The following KHDRBS2 variants were observed in gnomAD, a reference collection of about 807,000 sequenced individuals.
KHDRBS2 encodes the protein KH domain-containing, RNA-binding, signal transduction-associated protein 2.
A neutral mutation model predicts 44.3 loss-of-function variants in KHDRBS2; 26 were observed. That is an observed-to-expected ratio of 0.59 (90% confidence interval 0.43 to 0.81). KHDRBS2 has a LOEUF of 0.81. Ranked by LOEUF, KHDRBS2 falls within the 40% of genes least tolerant of loss-of-function variation. KHDRBS2 has a pLI of 0.00. For missense variants in KHDRBS2, 476 were observed against 433.1 expected, an observed-to-expected ratio of 1.10 and a Z score of -0.88; for synonymous variants, 194 against 151.1, an observed-to-expected ratio of 1.28 and a Z score of -2.08.
chr6:61,646,381 T>C, the KHDRBS2 span, among the ~76,000 whole-genome samples: 12 of 152,212 alleles, frequency 7.9e-5, no homozygotes, highest in Non-Finnish European at 1.5e-4. Context: ...AGTAGGCAGA[T>C]GCTTTCAGGG....
intron 2 of KHDRBS2, among the ~76,000 whole-genome samples, chr6:62,176,501 A>C (rs1477463567): frequency 1.3e-5 from 2 of 151,326 alleles, no homozygotes; most frequent in Admixed American, 1.3e-4. Context: ...AAAGTAAATT[A>C]TCAGCTTGAA....
chr6:62,124,941 T>C (rs1296836599), intron 2 of KHDRBS2, among the ~76,000 whole-genome samples: 2 of 152,200 alleles, frequency 1.3e-5, no homozygotes, highest in East Asian at 3.9e-4. Context: ...TTCTGACTGG[T>C]GTAAGGTTAT....
At chr6:62,107,333 C>G (rs543635172) in intron 2 of KHDRBS2, among the ~76,000 whole-genome samples, 4 of 152,264 alleles carry the variant, frequency 2.6e-5, no homozygotes, top group East Asian at 3.9e-4. Context: ...TGAGTGAACT[C>G]CCATTCACAA....
At chr6:61,741,990 A>G (rs1458547947) in intron 6 of KHDRBS2, among the ~76,000 whole-genome samples, 3 of 151,986 alleles carry the variant, frequency 2.0e-5, no homozygotes, top group African/African-American at 7.2e-5. Flanking sequence ...AATTAAGGGA[A>G]ATAATGTGGA....
chr6:61,631,944 A>G, the KHDRBS2 span, among the ~76,000 whole-genome samples: 2 of 152,164 alleles, frequency 1.3e-5, no homozygotes, highest in Non-Finnish European at 2.9e-5. Context: ...TTCAAAGACT[A>G]TCTGTGAAAC....
chr6:62,116,382 G>A (rs1198995340), intron 2 of KHDRBS2, among the ~76,000 whole-genome samples: 3 of 151,880 alleles, frequency 2.0e-5, no homozygotes, highest in Non-Finnish European at 2.9e-5. Context: ...CTTTGTTTCT[G>A]GTTTCTGAGT....
chr6:62,168,936 A>T (rs1331754948), intron 2 of KHDRBS2, among the ~76,000 whole-genome samples: 1 of 150,564 alleles, frequency 6.6e-6, no homozygotes, highest in African/African-American at 2.4e-5. Context: ...CTATAGGTGG[A>T]GATGTTAAAA....
At chr6:61,946,886 A>G (rs996086486) in intron 4 of KHDRBS2, among the ~76,000 whole-genome samples, 3 of 152,180 alleles carry the variant, frequency 2.0e-5, no homozygotes, top group African/African-American at 7.2e-5. Context: ...CAGATACTCC[A>G]TCTAAGTCAG....
At chr6:61,896,861 C>T (rs1803026158) in intron 5 of KHDRBS2, among the ~76,000 whole-genome samples, 1 of 152,150 alleles carries the variant, frequency 6.6e-6, no homozygotes, top group Non-Finnish European at 1.5e-5. Flanking sequence ...CATGCCACAG[C>T]ACCTTTCTAC....
At chr6:61,653,869 T>C in the KHDRBS2 span, among the ~76,000 whole-genome samples, 1 of 145,136 alleles carries the variant, frequency 6.9e-6, no homozygotes. Context: ...ATTTATAAAA[T>C]ACTATTTTTA....
chr6:62,226,704 A>G (rs1831896124), intron 1 of KHDRBS2, among the ~76,000 whole-genome samples: 1 of 152,062 alleles, frequency 6.6e-6, no homozygotes, highest in South Asian at 2.1e-4. Context: ...TTTTAGATAT[A>G]GTGTAAGGTA....
At chr6:62,242,932 C>G (rs1834931227) in intron 1 of KHDRBS2, among the ~76,000 whole-genome samples, 1 of 152,128 alleles carries the variant, frequency 6.6e-6, no homozygotes, top group South Asian at 2.1e-4. Context: ...CCATAACACT[C>G]ACAGAATGAC....
At chr6:62,073,217 A>G (rs560516695) in intron 2 of KHDRBS2, among the ~76,000 whole-genome samples, 17 of 151,976 alleles carry the variant, frequency 1.1e-4, no homozygotes, top group Admixed American at 7.2e-4. Flanking sequence ...TGGGAGTTTT[A>G]AATTATTAAT....
intron 2 of KHDRBS2, among the ~76,000 whole-genome samples, chr6:62,053,417 G>T (rs1025814720): frequency 8.6e-5 from 13 of 151,840 alleles, no homozygotes; most frequent in African/African-American, 3.1e-4. Flanking sequence ...AAGTCCTGTT[G>T]TATGTACAAA....
At chr6:61,657,904 T>C in the KHDRBS2 span, among the ~76,000 whole-genome samples, 1 of 152,060 alleles carries the variant, frequency 6.6e-6, no homozygotes, top group South Asian at 2.1e-4. Context: ...TGGTTCTGGG[T>C]CAAGAAACAA....
intron 6 of KHDRBS2, among the ~76,000 whole-genome samples, chr6:61,735,038 C>T (rs1775111355): frequency 6.6e-6 from 1 of 151,962 alleles, no homozygotes; most frequent in Non-Finnish European, 1.5e-5. Context: ...GCTGAAACAT[C>T]TCTTTCAATA....
At chr6:62,223,067 C>G (rs959379264) in intron 1 of KHDRBS2, among the ~76,000 whole-genome samples, 3 of 152,206 alleles carry the variant, frequency 2.0e-5, no homozygotes, top group Admixed American at 2.0e-4. Context: ...GTGGGAGTGC[C>G]AACTCCACAT....
At chr6:62,280,240 G>A (rs1841609950) in intron 1 of KHDRBS2, among the ~76,000 whole-genome samples, 1 of 152,184 alleles carries the variant, frequency 6.6e-6, no homozygotes, top group South Asian at 2.1e-4. Flanking sequence ...CAAGGGGTAT[G>A]GACTACGCCT....
intron 4 of KHDRBS2, among the ~76,000 whole-genome samples, chr6:61,907,901 AC>A (rs1425903756): frequency 6.6e-6 from 1 of 152,160 alleles, no homozygotes; most frequent in Non-Finnish European, 1.5e-5. Context: ...GTTATATAAA[AC>A]TTTACAGATT....
Sources: gnomAD v4.1 joint callset for allele counts (sites outside exome capture counted in the v4.1 genomes callset) on GRCh38, gnomAD v4.1.1 for gene constraint, MANE v1.5 for transcripts, NCBI Gene and HGNC (gene_info 2026-07-23, HGNC 2026-07-21) for gene names.